Variants in PHF21B observed in about 807,000 individuals in gnomAD.
PHF21B encodes the protein PHD finger protein 21B.
PHF21B carries 22 observed loss-of-function variants against 62.2 expected under a neutral mutation model. That is an observed-to-expected ratio of 0.35 (90% CI 0.25 to 0.51). PHF21B has a LOEUF of 0.51. Ranked by LOEUF, PHF21B falls within the 20% of genes least tolerant of loss-of-function variation. PHF21B has a pLI of 0.97. For missense variants in PHF21B, 701 were observed against 707.9 expected (o/e 0.99, Z 0.11); for synonymous variants, 341 against 314.7 (o/e 1.08, Z -0.88).
At chr22:44,943,446 C>A (rs948836736) in intron 2 of PHF21B, among the ~76,000 whole-genome samples, 23 of 152,168 alleles carry the variant, frequency 1.5e-4, no homozygotes, top group African/African-American at 5.1e-4. Flanking sequence ...TGTTTGGGAA[C>A]GATGAGCATG....
At chr22:44,945,006 A>G (rs890739631) in intron 2 of PHF21B, among the ~76,000 whole-genome samples, 7 of 115,536 alleles carry the variant, frequency 6.1e-5, no homozygotes, top group African/African-American at 2.1e-4. Context: ...AGATTCCTGC[A>G]TACCGGGCTG....
chr22:44,888,159 A>G (rs1437340815), intron 9 of PHF21B, 38 bp from the exon 10 acceptor site: 2 of 1,462,458 alleles, frequency 1.4e-6, no homozygotes, highest in South Asian at 2.7e-5. Context: ...GGTCAGCCAC[A>G]GCCAGGGCAG....
intron 5 of PHF21B, among the ~76,000 whole-genome samples, chr22:44,905,618 CTTTTTGTTTTTTTGT>C (rs2037687904): frequency 6.6e-6 from 1 of 152,074 alleles, no homozygotes; most frequent in South Asian, 2.1e-4. Context: ...GGCACAATTT[CTTTTTGTTTTTTTGT>C]TTTTTGTTTT....
At chr22:44,936,487 G>A (rs1035510650) in intron 2 of PHF21B, among the ~76,000 whole-genome samples, 1 of 152,180 alleles carries the variant, frequency 6.6e-6, no homozygotes, top group African/African-American at 2.4e-5. Context: ...ATCCCACCTG[G>A]ATGCCTCGCT....
chr22:44,927,696 A>C (rs2071659959), intron 2 of PHF21B, among the ~76,000 whole-genome samples: 1 of 151,840 alleles, frequency 6.6e-6, no homozygotes, highest in Admixed American at 6.6e-5. Flanking sequence ...TTCCCTACAA[A>C]CCTTTAATTA....
At chr22:44,998,317 G>A (rs1041145274) in intron 2 of PHF21B, among the ~76,000 whole-genome samples, 3 of 152,212 alleles carry the variant, frequency 2.0e-5, no homozygotes, top group Non-Finnish European at 4.4e-5. Flanking sequence ...CACACAGGCT[G>A]CCCTCTGGGG....
At chr22:45,004,917 CGG>C (rs993166428) in intron 2 of PHF21B, among the ~76,000 whole-genome samples, 14 of 152,228 alleles carry the variant, frequency 9.2e-5, no homozygotes, top group Admixed American at 9.2e-4. Flanking sequence ...AGCTCACCTC[CGG>C]GGTCCTTCTC....
intron 2 of PHF21B, among the ~76,000 whole-genome samples, chr22:44,969,387 C>T (rs1035620423): frequency 1.3e-5 from 2 of 152,182 alleles, no homozygotes; most frequent in African/African-American, 2.4e-5. Context: ...TGGAGCCGGC[C>T]GGGCACGGTG....
intron 2 of PHF21B, among the ~76,000 whole-genome samples, chr22:44,972,676 C>T (rs897321895): frequency 6.6e-6 from 1 of 152,238 alleles, no homozygotes; most frequent in African/African-American, 2.4e-5. Flanking sequence ...TCCTTGAAAG[C>T]CCTCACTCAG....
intron 2 of PHF21B, among the ~76,000 whole-genome samples, chr22:44,991,117 G>A (rs117178489): frequency 0.025 from 3,820 of 152,264 alleles, 69 homozygotes; most frequent in Middle Eastern, 0.037. Flanking sequence ...ATGCAACCTG[G>A]GCTTCAATCC....
chr22:44,979,106 G>A (rs977107009), intron 2 of PHF21B, among the ~76,000 whole-genome samples: 1 of 152,230 alleles, frequency 6.6e-6, no homozygotes, highest in Non-Finnish European at 1.5e-5. Context: ...GGCAGCTCCA[G>A]CTGCAGCCCC....
intron 3 of PHF21B, among the ~76,000 whole-genome samples, 197 bp from the exon 4 acceptor site, chr22:44,916,827 C>T (rs1444531625): frequency 1.3e-5 from 2 of 152,192 alleles, no homozygotes; most frequent in Non-Finnish European, 2.9e-5. Context: ...ACCGACTGGC[C>T]ACGGGGCTCA....
intron 2 of PHF21B, among the ~76,000 whole-genome samples, chr22:44,941,998 C>A (rs963502953): frequency 1.3e-5 from 2 of 152,164 alleles, no homozygotes; most frequent in African/African-American, 2.4e-5. Context: ...ATGAGTAGGA[C>A]CCTGAAAGAA....
intron 12 of PHF21B, among the ~76,000 whole-genome samples, chr22:44,884,461 GCACCATCAC>G (rs1165117204): frequency 5.5e-5 from 5 of 90,812 alleles, no homozygotes; most frequent in African/African-American, 8.3e-5. Flanking sequence ...ACGGTGATGA[GCACCATCAC>G]CACCATCACC....
chr22:44,908,127 T>A (rs1424994101), intron 5 of PHF21B, among the ~76,000 whole-genome samples: 1 of 152,146 alleles, frequency 6.6e-6, no homozygotes, highest in Non-Finnish European at 1.5e-5. Context: ...GAGCAGTAGG[T>A]TCTGACCCCA....
intron 2 of PHF21B, among the ~76,000 whole-genome samples, chr22:44,927,006 C>T (rs1378637983): frequency 1.3e-5 from 2 of 151,960 alleles, no homozygotes; most frequent in African/African-American, 2.4e-5. Flanking sequence ...GGTCAAGGCT[C>T]GACGCTCCCT....
At chr22:45,007,704 AGCGCGGG>A (rs2073348357) in intron 2 of PHF21B, among the ~76,000 whole-genome samples, 1 of 28,064 alleles carries the variant, frequency 3.6e-5, no homozygotes, top group South Asian at 7.8e-4. Flanking sequence ...CGGGTGTGCG[AGCGCGGG>A]GAAGGGGCGG....
chr22:44,983,019 G>A (rs1403411649), intron 2 of PHF21B, among the ~76,000 whole-genome samples: 1 of 152,176 alleles, frequency 6.6e-6, no homozygotes, highest in East Asian at 1.9e-4. Flanking sequence ...CGAGGTGGGA[G>A]AATCACTTCA....
chr22:44,993,574 C>T (rs1314424291), intron 2 of PHF21B, among the ~76,000 whole-genome samples: 1 of 152,258 alleles, frequency 6.6e-6, no homozygotes, highest in Non-Finnish European at 1.5e-5. Flanking sequence ...GCAGTTGACA[C>T]ACACGCTTCT....
Sources: gnomAD v4.1 joint callset for allele counts (sites outside exome capture counted in the v4.1 genomes callset) on GRCh38, gnomAD v4.1.1 for gene constraint, MANE v1.5 for transcripts, NCBI Gene and HGNC (gene_info 2026-07-23, HGNC 2026-07-21) for gene names.